The following ZNF385D variants were observed in gnomAD, a reference collection of about 807,000 sequenced individuals.
The protein encoded by ZNF385D is zinc finger protein 385D, also known as zinc finger protein 659.
ZNF385D carries 15 observed loss-of-function variants against 35.8 expected under a neutral mutation model. That is an observed-to-expected ratio of 0.42 (90% confidence interval 0.28 to 0.64). The LOEUF is 0.64. Ranked by LOEUF, ZNF385D falls within the 30% of genes least tolerant of loss-of-function variation. ZNF385D has a pLI of 0.23. For missense variants in ZNF385D, 474 were observed against 494.6 expected (o/e 0.96, Z 0.39); for synonymous variants, 212 against 186.8 (o/e 1.13, Z -1.10).
At chr3:21,576,440 A>G (rs1473140539) in intron 2 of ZNF385D, among the ~76,000 whole-genome samples, 1 of 152,216 alleles carries the variant, frequency 6.6e-6, no homozygotes. Context: ...ATCTTCAGAC[A>G]TTATTTTTCT....
At chr3:22,009,327 T>C (rs1216775490) in intron 3 of ZNF385D, among the ~76,000 whole-genome samples, 1 of 151,814 alleles carries the variant, frequency 6.6e-6, no homozygotes, top group Non-Finnish European at 1.5e-5. Context: ...TAAATATTTT[T>C]TAAAAAATAG....
At chr3:21,664,111 T>TA (rs201721578) in intron 2 of ZNF385D, among the ~76,000 whole-genome samples, 10,493 of 137,500 alleles carry the variant, frequency 0.076, 488 homozygotes, top group South Asian at 0.18. Context: ...AAGATAATAT[T>TA]AAAAAAAAAA....
At chr3:21,953,158 T>G (rs1702139243) in intron 3 of ZNF385D, among the ~76,000 whole-genome samples, 1 of 151,978 alleles carries the variant, frequency 6.6e-6, no homozygotes, top group Admixed American at 6.6e-5. Context: ...TTTTCTTTCC[T>G]GTCTCTGTTT....
At position 21,751,000 on chromosome 3, in the gene ZNF385D, G is replaced by A. The variant is rs1036534407; in HGVS notation, c.-84C>T. ...GGCACGTAGAGCAGAGCCCTTTCATGCTACATTCGGTGGAAATGTCCCCGG... is the reference window on the plus strand; with the variant it reads ...GGCACGTAGAGCAGAGCCCTTTCATACTACATTCGGTGGAAATGTCCCCGG... On this transcript the variant is annotated 5_prime_UTR_variant, in exon 1 of 8. Transcript: ENST00000281523. The A allele has an allele frequency of 6.2e-7, 1 of 1,610,626 alleles. No individual in the cohort carries two copies. The highest frequency in any genetic ancestry group is 2.2e-5 in the East Asian group (1 of 44,804).
At chr3:21,912,386 A>T (rs749828737) in intron 3 of ZNF385D, among the ~76,000 whole-genome samples, 1 of 152,072 alleles carries the variant, frequency 6.6e-6, no homozygotes. Context: ...AAGTTTTAAG[A>T]GGGTAATCTC....
chr3:22,090,668 C>T (rs900134592), intron 3 of ZNF385D, among the ~76,000 whole-genome samples: 3 of 152,036 alleles, frequency 2.0e-5, no homozygotes, highest in Non-Finnish European at 4.4e-5. Context: ...TGAAATTCAC[C>T]ATTTCTCATG....
chr3:22,092,394 T>C (rs1354686014), intron 3 of ZNF385D, among the ~76,000 whole-genome samples: 1 of 152,156 alleles, frequency 6.6e-6, no homozygotes, highest in Non-Finnish European at 1.5e-5. Context: ...CAGGGCCAGC[T>C]CCAGGTATCC....
chr3:22,332,194 A>G (rs1306096974), intron 2 of ZNF385D, among the ~76,000 whole-genome samples: 1 of 152,090 alleles, frequency 6.6e-6, no homozygotes, highest in Non-Finnish European at 1.5e-5. Flanking sequence ...GTTTTTGCCC[A>G]GCTCCTCCAC....
At chr3:22,043,825 C>T (rs550444838) in intron 3 of ZNF385D, among the ~76,000 whole-genome samples, 1 of 151,624 alleles carries the variant, frequency 6.6e-6, no homozygotes, top group African/African-American at 2.4e-5. Flanking sequence ...ATCTTGCTTG[C>T]TCTCTCTCTG....
intron 3 of ZNF385D, among the ~76,000 whole-genome samples, chr3:21,772,266 A>G (rs1186077730): frequency 6.6e-6 from 1 of 151,946 alleles, no homozygotes; most frequent in Non-Finnish European, 1.5e-5. Flanking sequence ...TCTCCAAAAG[A>G]TACTATCAGC....
chr3:22,233,651 G>T (rs1287532297), intron 2 of ZNF385D, among the ~76,000 whole-genome samples: 2 of 151,936 alleles, frequency 1.3e-5, no homozygotes, highest in African/African-American at 4.8e-5. Flanking sequence ...AGAATACCTG[G>T]CTTCTACCCA....
intron 2 of ZNF385D, among the ~76,000 whole-genome samples, chr3:22,353,562 T>C (rs1392216274): frequency 6.6e-6 from 1 of 152,172 alleles, no homozygotes; most frequent in African/African-American, 2.4e-5. Context: ...ATCAATCCTA[T>C]GTCCTCGGAC....
intron 4 of ZNF385D, among the ~76,000 whole-genome samples, chr3:21,493,422 G>A (rs1705581221): frequency 6.6e-6 from 1 of 151,966 alleles, no homozygotes; most frequent in Non-Finnish European, 1.5e-5. Flanking sequence ...ATGCCATATT[G>A]AAATGTTTAA....
At chr3:21,917,953 T>A (rs957019342) in intron 3 of ZNF385D, among the ~76,000 whole-genome samples, 1 of 152,180 alleles carries the variant, frequency 6.6e-6, no homozygotes, top group African/African-American at 2.4e-5. Flanking sequence ...CCCACAGATA[T>A]AAAATACTTG....
intron 1 of ZNF385D, among the ~76,000 whole-genome samples, chr3:21,735,515 G>A (rs1321074705): frequency 6.6e-6 from 1 of 152,130 alleles, no homozygotes; most frequent in Non-Finnish European, 1.5e-5. Context: ...AAGGTGCCAT[G>A]TATATATAAA....
At chr3:21,671,752 G>A (rs1010776267) in intron 1 of ZNF385D, among the ~76,000 whole-genome samples, 1 of 152,044 alleles carries the variant, frequency 6.6e-6, no homozygotes, top group Non-Finnish European at 1.5e-5. Flanking sequence ...TATCTTATGA[G>A]AGGTTTTTAT....
At chr3:21,557,521 AT>A (rs2062784493) in intron 3 of ZNF385D, among the ~76,000 whole-genome samples, 1 of 152,144 alleles carries the variant, frequency 6.6e-6, no homozygotes, top group Non-Finnish European at 1.5e-5. Context: ...AGCTGACTTG[AT>A]CGTGGTGGAT....
chr3:21,789,483 G>C (rs553098083), intron 3 of ZNF385D, among the ~76,000 whole-genome samples: 1 of 152,258 alleles, frequency 6.6e-6, no homozygotes, highest in South Asian at 2.1e-4. Context: ...CTATGGGCAT[G>C]TGTTCATTTG....
At chr3:21,971,640 C>A (rs1242469426) in intron 3 of ZNF385D, among the ~76,000 whole-genome samples, 1 of 150,570 alleles carries the variant, frequency 6.6e-6, no homozygotes, top group Non-Finnish European at 1.5e-5. Flanking sequence ...TGTAAACAGA[C>A]TAAACTCTCA....
Sources: gnomAD v4.1 joint callset for allele counts (sites outside exome capture counted in the v4.1 genomes callset) on GRCh38, gnomAD v4.1.1 for gene constraint, MANE v1.5 for transcripts, NCBI Gene and HGNC (gene_info 2026-07-23, HGNC 2026-07-21) for gene names.